Variants in GLRA3 observed in about 807,000 individuals in gnomAD.
GLRA3 encodes the protein glycine receptor subunit alpha-3.
Under a neutral mutation model 60.4 loss-of-function variants are expected in GLRA3, and 44 were observed. The ratio of observed to expected loss-of-function variants is 0.73; its 90% confidence interval spans 0.57 to 0.94. The LOEUF is 0.94. Among genes scored for constraint, GLRA3 ranks in the 40% least tolerant of loss-of-function variants. The pLI is 0.00. For missense variants in GLRA3, 508 were observed against 564.6 expected (o/e 0.90, Z 1.02); for synonymous variants, 223 against 192.9 (o/e 1.16, Z -1.29).
chr4:174,771,802 T>A (rs2332940), intron 2 of GLRA3, among the ~76,000 whole-genome samples: 41,010 of 152,136 alleles, frequency 0.27, 6,385 homozygotes, highest in East Asian at 0.53. Context: ...GAATAAAGGA[T>A]GAGGCATTCT....
intron 1 of GLRA3, among the ~76,000 whole-genome samples, chr4:174,795,148 ATAAT>A (rs1192620815): frequency 1.3e-5 from 2 of 151,910 alleles, no homozygotes; most frequent in South Asian, 2.1e-4. Flanking sequence ...TATGCAATTA[ATAAT>A]TAAATTAAAC....
intron 2 of GLRA3, among the ~76,000 whole-genome samples, chr4:174,788,535 T>C (rs1442946066): frequency 1.4e-5 from 2 of 145,712 alleles, no homozygotes; most frequent in Non-Finnish European, 3.0e-5. Context: ...CGTACATATA[T>C]GTATATTCCT....
intron 1 of GLRA3, among the ~76,000 whole-genome samples, chr4:174,805,846 A>T (rs1401828565): frequency 6.6e-6 from 1 of 152,166 alleles, no homozygotes; most frequent in Non-Finnish European, 1.5e-5. Flanking sequence ...TTAAATGAGG[A>T]AATGTTTCAG....
chr4:174,798,730 C>T (rs1269846635), intron 1 of GLRA3, among the ~76,000 whole-genome samples: 2 of 152,154 alleles, frequency 1.3e-5, no homozygotes, highest in South Asian at 2.1e-4. Context: ...GGAGACCATC[C>T]TGGCTAACAC....
intron 3 of GLRA3, among the ~76,000 whole-genome samples, chr4:174,729,033 A>T (rs1736448171): frequency 6.6e-6 from 1 of 152,202 alleles, no homozygotes; most frequent in Non-Finnish European, 1.5e-5. Context: ...CCCATCCCCC[A>T]GGATCCTCAC....
At chr4:174,666,476 C>T (rs973147232) in intron 7 of GLRA3, among the ~76,000 whole-genome samples, 6 of 151,872 alleles carry the variant, frequency 4.0e-5, no homozygotes, top group Non-Finnish European at 8.8e-5. Flanking sequence ...AGCCAGGAGA[C>T]AGGAGGCTAT....
intron 5 of GLRA3, among the ~76,000 whole-genome samples, chr4:174,702,881 A>T (rs1735378894): frequency 6.6e-6 from 1 of 152,244 alleles, no homozygotes; most frequent in African/African-American, 2.4e-5. Context: ...TATAAAGGAC[A>T]TACTATAGTG....
At chr4:174,706,949 T>C (rs771757599) in intron 5 of GLRA3, among the ~76,000 whole-genome samples, 5 of 152,154 alleles carry the variant, frequency 3.3e-5, no homozygotes, top group Non-Finnish European at 5.9e-5. Flanking sequence ...GAGCCAGAAT[T>C]AGGGTCATAA....
intron 1 of GLRA3, among the ~76,000 whole-genome samples, chr4:174,814,063 G>C (rs1031228359): frequency 1.3e-5 from 2 of 152,188 alleles, no homozygotes; most frequent in African/African-American, 2.4e-5. Context: ...AGCATCAAGG[G>C]GGGGTATCCA....
chr4:174,808,798 G>A (rs920412690), intron 1 of GLRA3, among the ~76,000 whole-genome samples: 1 of 151,864 alleles, frequency 6.6e-6, no homozygotes, highest in African/African-American at 2.4e-5. Flanking sequence ...AAATTTAAAT[G>A]TGAAAAAAAT....
intron 1 of GLRA3, among the ~76,000 whole-genome samples, chr4:174,825,361 T>C (rs945823873): frequency 1.3e-5 from 2 of 152,150 alleles, no homozygotes; most frequent in Non-Finnish European, 2.9e-5. Flanking sequence ...TAAGATATTT[T>C]ACTAAGGCTT....
At chr4:174,768,243 G>A (rs555417910) in intron 2 of GLRA3, among the ~76,000 whole-genome samples, 5 of 152,158 alleles carry the variant, frequency 3.3e-5, no homozygotes, top group Admixed American at 1.3e-4. Flanking sequence ...TGGGAAGGTC[G>A]GTGAAATTAA....
intron 2 of GLRA3, among the ~76,000 whole-genome samples, chr4:174,778,914 A>G (rs1157999495): frequency 1.3e-5 from 2 of 152,206 alleles, no homozygotes; most frequent in African/African-American, 4.8e-5. Context: ...GCCATTGCCC[A>G]GGCTTGCTTA....
chr4:174,680,820 C>A (rs561188219), intron 6 of GLRA3, among the ~76,000 whole-genome samples: 281 of 152,216 alleles, frequency 1.8e-3, no homozygotes, highest in Non-Finnish European at 2.9e-3. Flanking sequence ...AAGTATATTT[C>A]ATTTTCTGGG....
Position 174,766,997 on chromosome 4 carries a change from A to G in GLRA3, c.233T>C (p.Ile78Thr), listed in dbSNP as rs764641902. The change falls in exon 3 of 10, where the codon ATC becomes ACC. Residue 78 changes from isoleucine (I) to threonine (T), a missense_variant. Around this residue, in one of 3 missense-constraint regions of GLRA3, gnomAD observed 329 missense variants for 349.3 expected, o/e 0.94. Coordinates refer to ENST00000274093, the MANE Select transcript of GLRA3 (RefSeq NM_006529.4). The stretch of plus-strand genomic sequence containing the variant: ...CTCTGCGATAGAGCCAAAGCTGTTG[A>G]TGAATATGTTGCATGTGACATTAAC... ...PPVNVTCNIF[I>T]NSFGSIAETT... The G allele has an allele frequency of 6.2e-7, 1 of 1,603,646 alleles. No homozygotes were observed. The highest frequency in any genetic ancestry group is 8.5e-7 in the Non-Finnish European group (1 of 1,171,590).
intron 3 of GLRA3, among the ~76,000 whole-genome samples, chr4:174,762,241 A>C (rs1391599030): frequency 1.3e-5 from 2 of 152,154 alleles, no homozygotes; most frequent in Non-Finnish European, 2.9e-5. Flanking sequence ...CCAGTCCCAT[A>C]AGGTGCTTCT....
At chr4:174,786,734 T>A (rs1410444275) in intron 2 of GLRA3, among the ~76,000 whole-genome samples, 1 of 152,216 alleles carries the variant, frequency 6.6e-6, no homozygotes, top group Non-Finnish European at 1.5e-5. Context: ...AGCTAAAAAC[T>A]AATCCATTAA....
intron 3 of GLRA3, among the ~76,000 whole-genome samples, chr4:174,753,333 C>T (rs533293745): frequency 7.9e-5 from 12 of 152,144 alleles, no homozygotes; most frequent in Non-Finnish European, 1.5e-4. Context: ...TTAATATTAA[C>T]TCACACATCT....
chr4:174,788,209 C>T (rs997118887), intron 2 of GLRA3, among the ~76,000 whole-genome samples: 1 of 151,860 alleles, frequency 6.6e-6, no homozygotes, highest in Non-Finnish European at 1.5e-5. Context: ...GTTACATATC[C>T]TTATATAAAC....
Sources: allele counts gnomAD v4.1 joint callset (sites outside exome capture counted in the v4.1 genomes callset), GRCh38; gene constraint gnomAD v4.1.1; regional missense constraint gnomAD v4.1.1; transcripts MANE v1.5; gene names NCBI Gene and HGNC (gene_info 2026-07-23, HGNC 2026-07-21).